SSBP4: variants seen among roughly 807,000 people sequenced by gnomAD.
SSBP4 encodes the protein single-stranded DNA-binding protein 4.
In SSBP4, 33 loss-of-function variants were observed where a neutral mutation model predicts 64.6. That is an observed-to-expected ratio of 0.51 (90% CI 0.39 to 0.68). SSBP4 has a LOEUF of 0.68. SSBP4 is among the 30% of genes least tolerant of loss of function. SSBP4 has a pLI of 0.00. For synonymous variants in SSBP4, 243 were observed against 224.0 expected (o/e 1.08, Z -0.76); for missense variants, 583 against 566.8 (o/e 1.03, Z -0.29).
chr19:18,420,324 T>C (rs924909594), intron 1 of SSBP4, among the ~76,000 whole-genome samples: 5 of 151,978 alleles, frequency 3.3e-5, no homozygotes, highest in African/African-American at 1.2e-4. Flanking sequence ...TTGATACCAC[T>C]GAAGAGTGCA....
chr19:18,411,663 T>A, the SSBP4 span, among the ~76,000 whole-genome samples: 2 of 152,176 alleles, frequency 1.3e-5, no homozygotes, highest in African/African-American at 4.8e-5. Context: ...GAAAACCCAA[T>A]GCAAAGGCCC....
chr19:18,433,408 C>T, intron 15 of SSBP4, 177 bp from the exon 16 acceptor site: 2 of 1,289,164 alleles, frequency 1.6e-6, no homozygotes, highest in Non-Finnish European at 2.2e-6. Context: ...ATGCACTGAC[C>T]GCCCCTCCCC....
rs1481852501 is a variant in SSBP4 at position 18,427,330 on chromosome 19, T to G, written c.60-21T>G. ...CTTGCCTTGGAGAGTCTGAGCTCCCTGGGCCGCCTCGCCCCCACAGGTTGG... is the reference window on the plus strand; with the variant it reads ...CTTGCCTTGGAGAGTCTGAGCTCCCGGGGCCGCCTCGCCCCCACAGGTTGG... On this transcript the variant is annotated intron_variant, in intron 1 of 17. Transcript: ENST00000270061. The surrounding 1 kb of genome is among the most constrained non-coding windows in gnomAD (Gnocchi z 4.4). The G allele has an allele frequency of 6.2e-7, 1 of 1,607,222 alleles. No homozygotes were observed. Among genetic ancestry groups the G allele is most frequent in the Non-Finnish European group, 8.5e-7 (1 of 1,179,556 alleles).
chr19:18,434,032 A>G, intron 17 of SSBP4, 185 bp from the exon 18 acceptor site: 2 of 950,774 alleles, frequency 2.1e-6, no homozygotes, highest in Non-Finnish European at 2.4e-6. Flanking sequence ...ATCCGCCCCC[A>G]CCCCGGGACC....
At chr19:18,412,144 G>T in the SSBP4 span, among the ~76,000 whole-genome samples, 1 of 150,928 alleles carries the variant, frequency 6.6e-6, no homozygotes, top group East Asian at 2.0e-4. Context: ...CAGCCTGGGT[G>T]ACAGAGTGAG....
chr19:18,403,534 T>C, the SSBP4 span, among the ~76,000 whole-genome samples: 1 of 151,044 alleles, frequency 6.6e-6, no homozygotes, highest in East Asian at 1.9e-4. Context: ...GGTCTGGGAG[T>C]CTTGGGGTTT....
intron 4 of SSBP4, among the ~76,000 whole-genome samples, chr19:18,429,479 G>T (rs1453619476): frequency 2.7e-5 from 4 of 147,260 alleles, no homozygotes; most frequent in Admixed American, 1.3e-4. Flanking sequence ...GCGGGGGGGG[G>T]GTGCGGTGGA....
chr19:18,411,479 A>T, the SSBP4 span, among the ~76,000 whole-genome samples: 1 of 152,076 alleles, frequency 6.6e-6, no homozygotes, highest in Non-Finnish European at 1.5e-5. Context: ...TGGGCAACAG[A>T]GCGAGACTTC....
In SSBP4 at chr19:18,427,801, A is replaced by G; in HGVS notation, c.182A>G (p.His61Arg). ...CTGGGGGAGCCCCCTGGGTTCCTGC[A>G]CTCCTGGTGGTGGTACGGGCTGGGC... ...ITLGEPPGFL[H>R]SWWCVFWDLY... is the part of the protein sequence containing the mutation. The change falls in exon 3 of 18, where the codon CAC (histidine) becomes CGC (arginine). Residue 61 changes from histidine to arginine, a missense_variant. Physicochemically the swap from His to Arg is conservative, Grantham distance 29. Around this residue, in one of 5 missense-constraint regions of SSBP4, gnomAD observed 43 missense variants for 74.2 expected, o/e 0.58. Transcript: ENST00000270061. This position sits in a 1 kb window ranked among gnomAD's most constrained non-coding sequence, Gnocchi z 4.4. 6.2e-7 allele frequency: 1 copy of G among 1,607,842 alleles called. No homozygotes were observed. The highest frequency in any genetic ancestry group is 2.2e-5 in the East Asian group (1 of 44,680).
chr19:18,409,548 C>A, the SSBP4 span, among the ~76,000 whole-genome samples: 2 of 152,038 alleles, frequency 1.3e-5, no homozygotes, highest in Admixed American at 6.6e-5. Context: ...AAAAAAAATG[C>A]CATGGCCAAA....
At chr19:18,408,785 G>A in the SSBP4 span, among the ~76,000 whole-genome samples, 5 of 150,698 alleles carry the variant, frequency 3.3e-5, no homozygotes, top group African/African-American at 1.2e-4. Flanking sequence ...GCCACCGCAC[G>A]CGGCCCAAAC....
At position 18,432,009 on chromosome 19, in the gene SSBP4, G is replaced by A; in HGVS notation, c.575G>A (p.Ser192Asn). 6.4e-7 allele frequency: 1 copy of A among 1,565,468 alleles called. No individual in the cohort carries two copies. Among genetic ancestry groups the A allele is most frequent in the Non-Finnish European group, 8.7e-7 (1 of 1,150,902 alleles). ...TTCTGCCCCACCCCAGGGCATCCGA[G>A]CATGGGCGGCCCAATGCAGAGGGTG... is the stretch of plus-strand genomic sequence containing the variant. ...EPSPRAQGHP[S>N]MGGPMQRVTP... is the part of the protein sequence containing the mutation. The change falls in exon 9 of 18, where the codon AGC becomes AAC. Residue 192 changes from serine to asparagine, a missense_variant. Ser to Asn is a conservative substitution (Grantham distance 46). Coordinates refer to ENST00000270061, the MANE Select transcript of SSBP4 (RefSeq NM_032627.5).
At chr19:18,431,016 C>G in intron 5 of SSBP4, 86 bp downstream of exon 5, 1 of 1,472,964 alleles carries the variant, frequency 6.8e-7, no homozygotes, top group Non-Finnish European at 9.2e-7. Context: ...GGGCAGAGGT[C>G]ATGAGGCCGG....
chr19:18,427,272 C>G lies in SSBP4; in HGVS notation c.60-79C>G. On this transcript the variant is annotated intron_variant, in intron 1 of 17. Transcript: ENST00000270061. This position sits in a 1 kb window ranked among gnomAD's most constrained non-coding sequence, Gnocchi z 4.4. ...TGGGGAGGCCACCTTTCCACCCGCC[C>G]TCCTGAGAGATGGAGGGGCTTTGGG... is the stretch of plus-strand genomic sequence containing the variant. 6.7e-7 allele frequency: 1 copy of G among 1,503,744 alleles called. No homozygotes were observed. Among genetic ancestry groups the G allele is most frequent in the Non-Finnish European group, 9.1e-7 (1 of 1,102,952 alleles). 93.2% of individuals were successfully genotyped at this position (1,503,744 alleles called of 1,614,324 possible).
chr19:18,406,131 T>C, the SSBP4 span, among the ~76,000 whole-genome samples: 3 of 150,562 alleles, frequency 2.0e-5, no homozygotes, highest in South Asian at 2.1e-4. Flanking sequence ...CGTGAGACAC[T>C]GTACCAAGCC....
intron 4 of SSBP4, among the ~76,000 whole-genome samples, chr19:18,430,459 G>C (rs1973268113): frequency 6.6e-6 from 1 of 152,150 alleles, no homozygotes; most frequent in Non-Finnish European, 1.5e-5. Context: ...GGTGGGGCAG[G>C]GGTCTACACT....
the SSBP4 span, among the ~76,000 whole-genome samples, chr19:18,404,709 G>A: frequency 1.3e-5 from 2 of 150,662 alleles, no homozygotes; most frequent in African/African-American, 4.9e-5. Context: ...TGGCTAACAC[G>A]GTGAAACCCC....
At chr19:18,433,996 C>T in intron 17 of SSBP4, 179 bp downstream of exon 17, 3 of 1,218,264 alleles carry the variant, frequency 2.5e-6, no homozygotes, top group Non-Finnish European at 3.1e-6. Flanking sequence ...CACCACCTCC[C>T]GCTCCTATTT....
At chr19:18,408,110 G>A in the SSBP4 span, among the ~76,000 whole-genome samples, 4 of 152,174 alleles carry the variant, frequency 2.6e-5, no homozygotes, top group African/African-American at 4.8e-5. Context: ...GAAATAAAAC[G>A]TGGCATGAAG....
Sources: gnomAD v4.1 joint callset for allele counts (sites outside exome capture counted in the v4.1 genomes callset) on GRCh38, gnomAD v4.1.1 for gene constraint, gnomAD v4.1.1 regional missense constraint, Gnocchi (gnomAD v3.1) non-coding constraint, MANE v1.5 for transcripts, NCBI Gene and HGNC (gene_info 2026-07-23, HGNC 2026-07-21) for gene names.